The following TENM3 variants were observed in gnomAD, a reference collection of about 807,000 sequenced individuals.
The protein encoded by TENM3 is teneurin transmembrane protein 3, also known as teneurin-3.
A neutral mutation model predicts 255.1 loss-of-function variants in TENM3; 63 were observed. That is an observed-to-expected ratio of 0.25 (90% CI 0.20 to 0.30). The LOEUF (loss-of-function observed/expected upper bound fraction) is 0.30. Among genes scored for constraint, TENM3 ranks in the 10% least tolerant of loss-of-function variants. TENM3 has a pLI of 1.00. For synonymous variants in TENM3, 1,306 were observed against 1,322.3 expected (o/e 0.99, Z 0.27); for missense variants, 2,929 against 3,461.1 (o/e 0.85, Z 3.86).
chr4:181,980,861 T>TA, the TENM3 span, among the ~76,000 whole-genome samples: 2 of 152,150 alleles, frequency 1.3e-5, no homozygotes, highest in African/African-American at 4.8e-5. Flanking sequence ...TCTTTTTTTT[T>TA]ATGTTTAAAA....
chr4:182,343,630 C>A (rs1290512549), intron 2 of TENM3, among the ~76,000 whole-genome samples: 1 of 151,632 alleles, frequency 6.6e-6, no homozygotes, highest in Admixed American at 6.6e-5. Context: ...AAGCCCAGCC[C>A]AGCCCAGCCC....
upstream of TENM3, among the ~76,000 whole-genome samples, chr4:182,242,060 A>G (rs1305921751): frequency 1.7e-5 from 1 of 58,362 alleles, no homozygotes; most frequent in East Asian, 2.6e-4. Flanking sequence ...TCTAGGGTAC[A>G]TGTGCACAAG....
the TENM3 span, among the ~76,000 whole-genome samples, chr4:181,621,441 C>T: frequency 1.3e-5 from 2 of 152,030 alleles, no homozygotes; most frequent in Non-Finnish European, 2.9e-5. Context: ...CTCATTTTTC[C>T]CATATTTTAA....
intron 3 of TENM3, among the ~76,000 whole-genome samples, chr4:182,449,854 A>G (rs1773302622): frequency 6.6e-6 from 1 of 152,206 alleles, no homozygotes; most frequent in South Asian, 2.1e-4. Context: ...TGGTTTGGAA[A>G]AACTTGTGCT....
chr4:181,932,558 C>CG, the TENM3 span, among the ~76,000 whole-genome samples: 64 of 152,262 alleles, frequency 4.2e-4, no homozygotes, highest in East Asian at 7.1e-3. Flanking sequence ...ACTTTAACAC[C>CG]GTTGGTGGGA....
chr4:182,279,631 A>G (rs548076337), intron 1 of TENM3, among the ~76,000 whole-genome samples: 10 of 152,224 alleles, frequency 6.6e-5, no homozygotes, highest in Admixed American at 1.3e-4. Context: ...GGTCATGCTC[A>G]TGAGCCATTT....
chr4:181,799,809 G>C, the TENM3 span, among the ~76,000 whole-genome samples: 1 of 152,202 alleles, frequency 6.6e-6, no homozygotes, highest in Non-Finnish European at 1.5e-5. Context: ...CTTTGACTAG[G>C]TCTATACATT....
the TENM3 span, among the ~76,000 whole-genome samples, chr4:181,786,542 G>T: frequency 6.6e-6 from 1 of 152,030 alleles, no homozygotes; most frequent in African/African-American, 2.4e-5. Context: ...TGCAGATGAA[G>T]TCCCCCAGGC....
the TENM3 span, among the ~76,000 whole-genome samples, chr4:182,009,520 C>A: frequency 2.6e-5 from 4 of 152,176 alleles, no homozygotes; most frequent in African/African-American, 9.6e-5. Flanking sequence ...ACTGCCACAG[C>A]CCGTGCGTTG....
intron 5 of TENM3, among the ~76,000 whole-genome samples, chr4:182,636,444 A>G (rs1234804167): frequency 1.3e-5 from 2 of 152,130 alleles, no homozygotes; most frequent in Non-Finnish European, 2.9e-5. Context: ...ACATATGCAA[A>G]TAATACACTT....
At chr4:182,200,418 A>G (rs1290756366) in intron 1 of TENM3, among the ~76,000 whole-genome samples, 3 of 152,234 alleles carry the variant, frequency 2.0e-5, no homozygotes. Flanking sequence ...AGACCAAGAG[A>G]ACATTCTTAT....
chr4:181,963,141 G>T, the TENM3 span, among the ~76,000 whole-genome samples: 1 of 152,308 alleles, frequency 6.6e-6, no homozygotes, highest in Non-Finnish European at 1.5e-5. Flanking sequence ...TGTAGCAAGA[G>T]AAATAATTAG....
chr4:182,781,437 T>A (rs1345082345), intron 24 of TENM3, among the ~76,000 whole-genome samples: 2 of 150,096 alleles, frequency 1.3e-5, no homozygotes, highest in Non-Finnish European at 3.0e-5. Context: ...AGCTTTTTGA[T>A]GTGCTGCTGG....
At chr4:182,114,160 G>C in the TENM3 span, among the ~76,000 whole-genome samples, 1 of 152,154 alleles carries the variant, frequency 6.6e-6, no homozygotes, top group Non-Finnish European at 1.5e-5. Flanking sequence ...GCATTTCAAA[G>C]CCATATAATC....
intron 3 of TENM3, among the ~76,000 whole-genome samples, chr4:182,431,919 A>G (rs1771678834): frequency 6.6e-6 from 1 of 151,996 alleles, no homozygotes; most frequent in South Asian, 2.1e-4. Context: ...TCTACTAAAA[A>G]TAGAAAAATT....
chr4:181,582,669 C>CAAAAAAAAAAAAAAAGAAAAAAAAAA, the TENM3 span, among the ~76,000 whole-genome samples: 1 of 124,756 alleles, frequency 8.0e-6, no homozygotes, highest in African/African-American at 3.1e-5. Context: ...CAAAACAAAT[C>CAAAAAAAAAAAAAAAGAAAAAAAAAA]AAAAAAAAAA....
At chr4:182,344,933 A>G (rs534991849) in intron 2 of TENM3, among the ~76,000 whole-genome samples, 12 of 152,202 alleles carry the variant, frequency 7.9e-5, no homozygotes, top group Non-Finnish European at 1.3e-4. Context: ...TTAACATGCT[A>G]ACAATACTGA....
intron 3 of TENM3, among the ~76,000 whole-genome samples, chr4:182,468,109 G>A (rs916120459): frequency 3.9e-5 from 6 of 152,064 alleles, no homozygotes; most frequent in Non-Finnish European, 7.4e-5. Context: ...GTTTTAGGCC[G>A]GGCCTGGTGG....
At chr4:182,412,813 C>T (rs13150036) in intron 3 of TENM3, among the ~76,000 whole-genome samples, 73,529 of 149,396 alleles carry the variant, frequency 0.49, 18,315 homozygotes, top group South Asian at 0.59. Context: ...TGCAGTGAGC[C>T]GAGATCACAC....
Sources: gnomAD v4.1 joint callset for allele counts (sites outside exome capture counted in the v4.1 genomes callset) on GRCh38, gnomAD v4.1.1 for gene constraint, MANE v1.5 for transcripts, NCBI Gene and HGNC (gene_info 2026-07-23, HGNC 2026-07-21) for gene names.